MAP7D2: variants seen among roughly 807,000 people sequenced by gnomAD.
MAP7D2 encodes MAP7 domain-containing protein 2.
MAP7D2 carries 33 observed loss-of-function variants against 63.5 expected under a neutral mutation model. That is an observed-to-expected ratio of 0.52 (90% CI 0.39 to 0.70). The LOEUF (loss-of-function observed/expected upper bound fraction) is 0.70, where lower values mean the gene tolerates loss of function less well. Among genes scored for constraint, MAP7D2 ranks in the 30% least tolerant of loss-of-function variants. The pLI, the probability that MAP7D2 is intolerant of heterozygous loss-of-function variation, is 0.00. For synonymous variants in MAP7D2, 224 were observed against 223.7 expected (o/e 1.00, Z -0.01); for missense variants, 626 against 604.0 (o/e 1.04, Z -0.38).
At chrX:20,058,582 T>C (rs1419716037) in intron 3 of MAP7D2, among the ~76,000 whole-genome samples, 1 of 111,818 alleles carries the variant, frequency 8.9e-6, no homozygotes, top group Non-Finnish European at 1.9e-5. Flanking sequence ...GACTTTTCAA[T>C]GGCCTCTAGA....
Position 20,013,123 on chromosome X carries a change from G to T in MAP7D2, c.1816C>A (p.Pro606Thr), listed in dbSNP as rs773736829. Residue 606 changes from proline (P) to threonine (T), a missense_variant, in exon 14 of 17, where the codon CCC (proline) becomes ACC (threonine). Coordinates refer to ENST00000379643, the MANE Select transcript of MAP7D2 (RefSeq NM_001168465.2). ...ACAGCAGGCTGGACCCCCACTTTGG[G>T]GTCTTCTTTCTGAAAACAAATGGAA... ...DVSPQVKKEDPKVGVQPAVCV... is the reference protein window; with the variant it reads ...DVSPQVKKEDTKVGVQPAVCV... 1 of 1,205,050 alleles carries T rather than the reference G, an allele frequency of 8.3e-7. No homozygotes were observed. Among genetic ancestry groups the T allele is most frequent in the Admixed American group, 2.2e-5 (1 of 45,581 alleles).
chrX:20,088,100 C>A (rs1262728016), intron 1 of MAP7D2, among the ~76,000 whole-genome samples: 1 of 105,232 alleles, frequency 9.5e-6, no homozygotes, highest in Non-Finnish European at 1.9e-5. Flanking sequence ...AGGGTTTTAC[C>A]ATGTTGGCCA....
At chrX:20,030,975 C>G (rs542738137) in intron 8 of MAP7D2, among the ~76,000 whole-genome samples, 1 of 112,117 alleles carries the variant, frequency 8.9e-6, no homozygotes, top group East Asian at 2.8e-4. Context: ...GTCCTCAAGA[C>G]GACTAGCCTA....
chrX:20,014,376 T>A (rs2073309921), intron 12 of MAP7D2, among the ~76,000 whole-genome samples: 1 of 111,630 alleles, frequency 9.0e-6, no homozygotes, highest in Admixed American at 9.5e-5. Context: ...GAGACCAGCC[T>A]GGCCAACATG....
intron 8 of MAP7D2, among the ~76,000 whole-genome samples, chrX:20,037,563 T>C (rs1319375338): frequency 1.8e-5 from 2 of 111,865 alleles, no homozygotes; most frequent in African/African-American, 6.5e-5. Flanking sequence ...GGGACATTCC[T>C]GAAGGACAGT....
At chrX:20,015,413 A>T in intron 11 of MAP7D2, 86 bp from the exon 12 acceptor site, 1 of 723,295 alleles carries the variant, frequency 1.4e-6, no homozygotes, top group Non-Finnish European at 2.1e-6. Context: ...ATGTTCCTTC[A>T]TCTCATCATC....
At chrX:20,024,725 A>G (rs1346740786) in intron 10 of MAP7D2, among the ~76,000 whole-genome samples, 1 of 112,172 alleles carries the variant, frequency 8.9e-6, no homozygotes, top group Non-Finnish European at 1.9e-5. Context: ...TCCAAGAGCT[A>G]TGAGTTTCCA....
chrX:20,101,643 A>G (rs965820572), intron 1 of MAP7D2, among the ~76,000 whole-genome samples: 4 of 112,651 alleles, frequency 3.6e-5, no homozygotes, highest in Non-Finnish European at 7.5e-5. Context: ...GCTGGAAAAA[A>G]ACAATGTCCA....
intron 12 of MAP7D2, among the ~76,000 whole-genome samples, chrX:20,014,553 G>A (rs2073318772): frequency 1.8e-5 from 2 of 111,374 alleles, no homozygotes; most frequent in African/African-American, 3.3e-5. Context: ...GGGCAATAGA[G>A]TGAGACTGTC....
chrX:20,015,622 A>G (rs968991835), intron 11 of MAP7D2, among the ~76,000 whole-genome samples: 1 of 112,371 alleles, frequency 8.9e-6, no homozygotes, highest in African/African-American at 3.2e-5. Flanking sequence ...TGGCCAGATC[A>G]GAGAGTTAAT....
chrX:20,018,708 G>T (rs1053846109), intron 10 of MAP7D2, among the ~76,000 whole-genome samples: 10 of 110,983 alleles, frequency 9.0e-5, no homozygotes, highest in Non-Finnish European at 1.7e-4. Context: ...CTCCCAAAGT[G>T]CTGGGATTAC....
chrX:20,031,720 TC>T (rs2074058267), intron 8 of MAP7D2, among the ~76,000 whole-genome samples: 1 of 111,306 alleles, frequency 9.0e-6, no homozygotes, highest in Non-Finnish European at 1.9e-5. Context: ...TAAGCCGAGA[TC>T]ACAGCACGGC....
At chrX:20,028,607 C>T (rs180973178) in intron 8 of MAP7D2, among the ~76,000 whole-genome samples, 7 of 111,672 alleles carry the variant, frequency 6.3e-5, no homozygotes, top group African/African-American at 2.3e-4. Flanking sequence ...TGGTCTTTTG[C>T]TTGGCCACGT....
chrX:20,017,454 G>A (rs755206436), intron 10 of MAP7D2, among the ~76,000 whole-genome samples: 2 of 112,340 alleles, frequency 1.8e-5, no homozygotes, highest in Non-Finnish European at 3.8e-5. Flanking sequence ...CTTAAAAAGA[G>A]CATCCATCCA....
At chrX:20,018,809 T>C (rs2073517957) in intron 10 of MAP7D2, among the ~76,000 whole-genome samples, 1 of 110,848 alleles carries the variant, frequency 9.0e-6, no homozygotes, top group Admixed American at 9.6e-5. Context: ...GTAGGTAAAA[T>C]TCAACAAAAC....
At chrX:20,060,808 TACTCTTAAGACCTCTGCCA>T (rs1174599182) in intron 3 of MAP7D2, among the ~76,000 whole-genome samples, 2 of 110,747 alleles carry the variant, frequency 1.8e-5, no homozygotes, top group East Asian at 5.7e-4. Flanking sequence ...CAGGCCTGAC[TACTCTTAAGACCTCTGCCA>T]ACTCTTAAGA....
rs141142969 is a variant in MAP7D2 at position 20,017,965 on chromosome X, CTTTT to C, written c.1413-1644_1413-1641del. On this transcript the variant is annotated intron_variant, in intron 10 of 16. Coordinates refer to ENST00000379643, the MANE Select transcript of MAP7D2 (RefSeq NM_001168465.2). The stretch of plus-strand genomic sequence containing the variant: ...TCTCCAGGACCTGAAAATCCATTCT[CTTTT>C]TTTTTTTTTTTTTTTTGATGGCGTT... 6.2e-3 allele frequency among the ~76,000 whole-genome samples: 529 copies of C among 85,675 alleles called. 5 individuals are homozygous for C. The highest frequency in any genetic ancestry group is 0.025 in the African/African-American group (506 of 20,401). 74.4% of individuals were successfully genotyped at this position (85,675 alleles called of 115,157 possible).
chrX:20,116,659 A>G (rs1296347675), intron 1 of MAP7D2, 91 bp downstream of exon 1: 3 of 1,034,013 alleles, frequency 2.9e-6, no homozygotes. Flanking sequence ...CCTTCCCCCC[A>G]CGCTCGAGGA....
At chrX:20,077,284 G>A (rs1005766305) in intron 1 of MAP7D2, among the ~76,000 whole-genome samples, 6 of 111,341 alleles carry the variant, frequency 5.4e-5, no homozygotes, top group African/African-American at 1.6e-4. Context: ...GCAAAACCCC[G>A]TCTCTACTAA....
Sources: allele counts gnomAD v4.1 joint callset (sites outside exome capture counted in the v4.1 genomes callset), GRCh38; gene constraint gnomAD v4.1.1; transcripts MANE v1.5; gene names NCBI Gene and HGNC (gene_info 2026-07-23, HGNC 2026-07-21).